The following CPED1 variants were observed in gnomAD, a reference collection of about 807,000 sequenced individuals.
CPED1 encodes the protein cadherin like and PC-esterase domain containing 1.
In CPED1, 114 loss-of-function variants were observed where a neutral mutation model predicts 128.2. The ratio of observed to expected loss-of-function variants is 0.89; its 90% CI spans 0.76 to 1.04. The LOEUF is 1.04. Ranked by LOEUF, CPED1 falls within the 50% of genes least tolerant of loss-of-function variation. The probability of loss-of-function intolerance (pLI) is 0.00; values close to 1 mark genes in which losing one functional copy is unlikely to be tolerated. For synonymous variants in CPED1, 462 were observed against 426.7 expected, an observed-to-expected ratio of 1.08 and a Z score of -1.02; for missense variants, 1,211 against 1,207.1, an observed-to-expected ratio of 1.00 and a Z score of -0.05.
chr7:121,141,640 T>C (rs973835352), intron 15 of CPED1, among the ~76,000 whole-genome samples: 1 of 152,026 alleles, frequency 6.6e-6, no homozygotes, highest in African/African-American at 2.4e-5. Context: ...TGTTTACCAG[T>C]TCTAGGTCAT....
intron 5 of CPED1, among the ~76,000 whole-genome samples, chr7:121,071,983 T>C (rs545092445): frequency 6.6e-6 from 1 of 152,192 alleles, no homozygotes; most frequent in South Asian, 2.1e-4. Context: ...ACCACCAATC[T>C]TGGAAACTCA....
At position 121,064,490 on chromosome 7, in the gene CPED1, TAAC is replaced by T. The variant is rs368744000; in HGVS notation, c.616+181_616+183del. On this transcript the variant is annotated intron_variant, in intron 5 of 22. Transcript: ENST00000310396. ...CAATGAAAAGACCTAAAGTGAGGAATAACAACCGTAACGTAACACTGGTGTTCT... is the reference window on the plus strand; with the variant it reads ...CAATGAAAAGACCTAAAGTGAGGAATAACCGTAACGTAACACTGGTGTTCT... Among the ~76,000 whole-genome samples, 76 of 152,336 alleles carry T rather than the reference TAAC, an allele frequency of 5.0e-4. 1 individual carries two copies. The East Asian group carries it at 8.3e-3, about 17-fold the overall frequency.
At chr7:121,002,009 A>ATG (rs1791876478) in intron 2 of CPED1, among the ~76,000 whole-genome samples, 1 of 152,176 alleles carries the variant, frequency 6.6e-6, no homozygotes, top group African/African-American at 2.4e-5. Context: ...ATATATATAT[A>ATG]TAAAACACAA....
intron 22 of CPED1, among the ~76,000 whole-genome samples, chr7:121,284,192 T>C (rs1428372910): frequency 6.6e-6 from 1 of 152,168 alleles, no homozygotes; most frequent in African/African-American, 2.4e-5. Flanking sequence ...GAAAAGTCCC[T>C]TATAAAACCA....
At chr7:121,133,126 A>G (rs1002198394) in intron 12 of CPED1, among the ~76,000 whole-genome samples, 2 of 152,078 alleles carry the variant, frequency 1.3e-5, no homozygotes, top group Non-Finnish European at 2.9e-5. Flanking sequence ...TGGGGTGGAA[A>G]TGGAGATTTG....
At chr7:121,236,374 C>T (rs773002590) in intron 16 of CPED1, among the ~76,000 whole-genome samples, 20 of 152,112 alleles carry the variant, frequency 1.3e-4, no homozygotes, top group Non-Finnish European at 2.2e-4. Flanking sequence ...GTTCCCATTT[C>T]CCTTCTCACA....
chr7:121,095,948 C>T (rs547656952), intron 5 of CPED1, among the ~76,000 whole-genome samples: 2 of 152,196 alleles, frequency 1.3e-5, no homozygotes, highest in African/African-American at 4.8e-5. Context: ...TCCAAATCAG[C>T]TCTTTGGAGA....
intron 7 of CPED1, among the ~76,000 whole-genome samples, chr7:121,106,012 G>A (rs1259046449): frequency 6.6e-6 from 1 of 152,130 alleles, no homozygotes; most frequent in Non-Finnish European, 1.5e-5. Context: ...CAAGCAATGT[G>A]TTTGCATTTC....
chr7:121,005,097 A>C (rs1013592091), intron 2 of CPED1, among the ~76,000 whole-genome samples: 3 of 152,202 alleles, frequency 2.0e-5, no homozygotes, highest in African/African-American at 7.2e-5. Flanking sequence ...ATTTGACAGA[A>C]CGCTTATGAA....
intron 16 of CPED1, among the ~76,000 whole-genome samples, chr7:121,146,640 TG>T (rs1563044816): frequency 6.6e-6 from 1 of 152,174 alleles, no homozygotes; most frequent in African/African-American, 2.4e-5. Flanking sequence ...AATAACATTT[TG>T]ATAAATAGTA....
At chr7:120,997,416 T>C (rs1456594793) in intron 2 of CPED1, among the ~76,000 whole-genome samples, 1 of 152,224 alleles carries the variant, frequency 6.6e-6, no homozygotes. Flanking sequence ...CTATGTCCTT[T>C]CTATTTTATT....
intron 17 of CPED1, among the ~76,000 whole-genome samples, chr7:121,238,099 A>G (rs1033673719): frequency 2.0e-5 from 3 of 152,206 alleles, no homozygotes; most frequent in African/African-American, 4.8e-5. Context: ...AGTTCAAGGT[A>G]CATTACTGGG....
chr7:121,266,492 G>C (rs1792127230), intron 19 of CPED1, 45 bp downstream of exon 19: 1 of 1,487,664 alleles, frequency 6.7e-7, no homozygotes, highest in African/African-American at 1.4e-5. Context: ...ACAAAGTACT[G>C]ATGTTCTGCT....
intron 16 of CPED1, among the ~76,000 whole-genome samples, chr7:121,193,486 T>TA (rs1797193862): frequency 6.6e-6 from 1 of 152,144 alleles, no homozygotes; most frequent in Non-Finnish European, 1.5e-5. Context: ...CTTCAACTAA[T>TA]AAAATCAAAA....
chr7:121,177,140 A>G (rs1156834396), intron 16 of CPED1, among the ~76,000 whole-genome samples: 5 of 152,080 alleles, frequency 3.3e-5, no homozygotes, highest in Admixed American at 6.6e-5. Flanking sequence ...ATTTAGATGC[A>G]TTGAGACTAC....
intron 7 of CPED1, among the ~76,000 whole-genome samples, chr7:121,122,080 A>G (rs1795404455): frequency 6.6e-6 from 1 of 151,378 alleles, no homozygotes; most frequent in Admixed American, 6.6e-5. Context: ...TTTCTAGCAT[A>G]TGTAGTTTGC....
intron 22 of CPED1, among the ~76,000 whole-genome samples, chr7:121,277,005 G>C (rs1230521805): frequency 6.6e-6 from 1 of 151,944 alleles, no homozygotes; most frequent in Non-Finnish European, 1.5e-5. Flanking sequence ...GAGAAGTTAG[G>C]AGATTTTTTT....
At chr7:120,990,358 A>T (rs1211780684) in intron 2 of CPED1, among the ~76,000 whole-genome samples, 1 of 152,196 alleles carries the variant, frequency 6.6e-6, no homozygotes, top group East Asian at 1.9e-4. Flanking sequence ...CACATTTCTA[A>T]AGCAATATAT....
At chr7:121,151,907 AT>A (rs1796168730) in intron 16 of CPED1, among the ~76,000 whole-genome samples, 1 of 152,156 alleles carries the variant, frequency 6.6e-6, no homozygotes. Context: ...TAGGAACAAG[AT>A]TGGGGGATGG....
Sources: gnomAD v4.1 joint callset for allele counts (sites outside exome capture counted in the v4.1 genomes callset) on GRCh38, gnomAD v4.1.1 for gene constraint, MANE v1.5 for transcripts, NCBI Gene and HGNC (gene_info 2026-07-23, HGNC 2026-07-21) for gene names.